The following HAUS6 variants were observed in gnomAD, a reference collection of about 807,000 sequenced individuals.
HAUS6 encodes HAUS augmin-like complex subunit 6.
A neutral mutation model predicts 106.8 loss-of-function variants in HAUS6; 80 were observed. That is an observed-to-expected ratio of 0.75 (90% CI 0.63 to 0.90). The LOEUF (loss-of-function observed/expected upper bound fraction) is 0.90, where lower values mean the gene tolerates loss of function less well. Ranked by LOEUF, HAUS6 falls within the 40% of genes least tolerant of loss-of-function variation. The probability of loss-of-function intolerance (pLI) is 0.00; values close to 1 mark genes in which losing one functional copy is unlikely to be tolerated. For synonymous variants in HAUS6, 356 were observed against 379.1 expected, an observed-to-expected ratio of 0.94 and a Z score of 0.71; for missense variants, 1,155 against 1,118.1, an observed-to-expected ratio of 1.03 and a Z score of -0.47.
In HAUS6 at chr9:19,057,946, C is replaced by A; in HGVS notation, c.2806+15G>T. The A allele has an allele frequency of 6.7e-7, 1 of 1,494,952 alleles. No individual in the cohort carries two copies. The highest frequency in any genetic ancestry group is 1.2e-5 in the South Asian group (1 of 83,292). 92.6% of individuals were successfully genotyped at this position (1,494,952 alleles called of 1,614,324 possible). On this transcript the variant is annotated intron_variant, in intron 16 of 16. Transcript: ENST00000380502. ...CTTCAACAGGTGAATATGCATAGGT[C>A]TATTTAAACCTTACCCTTTAAATTA...
intron 12 of HAUS6, among the ~76,000 whole-genome samples, chr9:19,069,658 C>G (rs1419945642): frequency 6.6e-6 from 1 of 151,852 alleles, no homozygotes; most frequent in African/African-American, 2.4e-5. Context: ...AAAATCGTGC[C>G]ATTGCACTCC....
At chr9:19,077,066 A>G (rs1216666944) in intron 10 of HAUS6, among the ~76,000 whole-genome samples, 2 of 152,228 alleles carry the variant, frequency 1.3e-5, no homozygotes, top group African/African-American at 4.8e-5. Flanking sequence ...CTGGTCTCCA[A>G]TTCCTGGCCT....
chr9:19,097,159 C>A lies in HAUS6; in HGVS notation c.129-390G>T, dbSNP rs1269327138. Among the ~76,000 whole-genome samples, 3 of 152,150 alleles carry A rather than the reference C, an allele frequency of 2.0e-5. No homozygotes were observed. The East Asian group carries it at 5.8e-4, about 29-fold the overall frequency. On this transcript the variant is annotated intron_variant, in intron 1 of 16. Coordinates refer to ENST00000380502, the MANE Select transcript of HAUS6 (RefSeq NM_017645.5). ...AACCATAAAAACCCTAGAAGAAAAC[C>A]TAGGCAATACCATTCAGGACATAGG... is the stretch of plus-strand genomic sequence containing the variant.
At chr9:19,070,112 C>T in intron 12 of HAUS6, 107 bp downstream of exon 12, 1 of 681,228 alleles carries the variant, frequency 1.5e-6, no homozygotes, top group South Asian at 1.8e-5. Context: ...CTCCAACTCC[C>T]CAACAGACCC....
intron 1 of HAUS6, 42 bp from the exon 2 acceptor site, chr9:19,096,811 T>C: frequency 1.1e-6 from 1 of 930,976 alleles, no homozygotes; most frequent in South Asian, 1.5e-5. Context: ...AAGAAAAAGG[T>C]TAATAAGCTA....
intron 7 of HAUS6, among the ~76,000 whole-genome samples, chr9:19,083,595 G>A (rs1029644487): frequency 3.3e-5 from 5 of 151,950 alleles, no homozygotes; most frequent in Non-Finnish European, 7.4e-5. Context: ...GAGGTCAGGA[G>A]ATAGAGACCA....
At chr9:19,086,479 G>A (rs181809907) in intron 7 of HAUS6, among the ~76,000 whole-genome samples, 5 of 151,920 alleles carry the variant, frequency 3.3e-5, no homozygotes, top group African/African-American at 1.2e-4. Context: ...AATTAGCCAG[G>A]CGTGGTGGCG....
At chr9:19,069,329 TG>T (rs1474442520) in intron 12 of HAUS6, among the ~76,000 whole-genome samples, 1 of 152,178 alleles carries the variant, frequency 6.6e-6, no homozygotes, top group African/African-American at 2.4e-5. Flanking sequence ...AAAATGCCCA[TG>T]TATCATAAAT....
At chr9:19,100,003 G>A (rs1262724919) in intron 1 of HAUS6, among the ~76,000 whole-genome samples, 1 of 152,192 alleles carries the variant, frequency 6.6e-6, no homozygotes, top group African/African-American at 2.4e-5. Flanking sequence ...ATTCCGCCTG[G>A]CTAAGATGGA....
At chr9:19,102,204 C>A in intron 1 of HAUS6, among the ~76,000 whole-genome samples, 1 of 122,784 alleles carries the variant, frequency 8.1e-6, no homozygotes. Flanking sequence ...CCACTACCAC[C>A]CGCCATCCCT....
intron 11 of HAUS6, among the ~76,000 whole-genome samples, chr9:19,073,080 C>T (rs1199668131): frequency 6.6e-6 from 1 of 151,960 alleles, no homozygotes; most frequent in East Asian, 1.9e-4. Flanking sequence ...ATTTTATAAA[C>T]ATACATCAGA....
intron 3 of HAUS6, 118 bp from the exon 4 acceptor site, chr9:19,093,421 A>G (rs1817797332): frequency 2.2e-6 from 2 of 892,174 alleles, no homozygotes; most frequent in Non-Finnish European, 3.6e-6. Flanking sequence ...CCACATTTTC[A>G]TAAGTACTAT....
chr9:19,081,988 T>C (rs1173914757), intron 8 of HAUS6, among the ~76,000 whole-genome samples: 1 of 152,180 alleles, frequency 6.6e-6, no homozygotes, highest in Non-Finnish European at 1.5e-5. Flanking sequence ...TGAATTGTGT[T>C]TTCTAAGAAA....
intron 1 of HAUS6, among the ~76,000 whole-genome samples, chr9:19,100,980 C>G (rs1817974554): frequency 1.3e-5 from 2 of 151,866 alleles, no homozygotes; most frequent in Non-Finnish European, 2.9e-5. Context: ...TTAATGGGTA[C>G]AAATATACAG....
At chr9:19,098,508 C>T (rs11790182) in intron 1 of HAUS6, among the ~76,000 whole-genome samples, 1 of 151,430 alleles carries the variant, frequency 6.6e-6, no homozygotes. Flanking sequence ...TAGCCAGGTC[C>T]AATACAGTGG....
intron 4 of HAUS6, among the ~76,000 whole-genome samples, chr9:19,091,027 G>A (rs931388740): frequency 1.3e-5 from 2 of 152,106 alleles, no homozygotes; most frequent in African/African-American, 2.4e-5. Flanking sequence ...TTGGCCGGGC[G>A]CAGTGGCTCA....
At chr9:19,092,571 C>T (rs1190642294) in intron 4 of HAUS6, among the ~76,000 whole-genome samples, 4 of 143,176 alleles carry the variant, frequency 2.8e-5, no homozygotes, top group East Asian at 2.0e-4. Flanking sequence ...GCCAAGATCG[C>T]GCCATTGCAC....
chr9:19,077,799 C>A (rs1837043988), intron 10 of HAUS6, among the ~76,000 whole-genome samples: 1 of 151,854 alleles, frequency 6.6e-6, no homozygotes, highest in African/African-American at 2.4e-5. Context: ...GTGGCTCATG[C>A]CTGTAATCCC....
intron 11 of HAUS6, among the ~76,000 whole-genome samples, chr9:19,070,877 C>T (rs79838006): frequency 1.3e-3 from 203 of 152,312 alleles, no homozygotes; most frequent in African/African-American, 4.7e-3. Context: ...AGAGGACAGA[C>T]ATCCAGCCCA....
Sources: gnomAD v4.1 joint callset for allele counts (sites outside exome capture counted in the v4.1 genomes callset) on GRCh38, gnomAD v4.1.1 for gene constraint, MANE v1.5 for transcripts, NCBI Gene and HGNC (gene_info 2026-07-23, HGNC 2026-07-21) for gene names.